The following PRKN variants were observed in gnomAD, a reference collection of about 807,000 sequenced individuals.
PRKN encodes parkin RBR E3 ubiquitin protein ligase, also known as E3 ubiquitin-protein ligase parkin.
A neutral mutation model predicts 59.5 loss-of-function variants in PRKN; 56 were observed. The observed-to-expected ratio is 0.94, with a 90% CI of 0.76 to 1.18. The LOEUF (loss-of-function observed/expected upper bound fraction) is 1.18. Ranked by LOEUF, PRKN falls within the 50% of genes most tolerant of loss-of-function variation. PRKN has a pLI of 0.00. For missense variants in PRKN, 657 were observed against 596.4 expected (o/e 1.10, Z -1.06); for synonymous variants, 250 against 222.1 (o/e 1.13, Z -1.12).
rs959481413 is a variant in PRKN at position 161,560,122 on chromosome 6, T to C, written c.933+9233A>G. Among the ~76,000 whole-genome samples the C allele has an allele frequency of 1.3e-5, 2 of 152,190 alleles. No homozygotes were observed. Among genetic ancestry groups the C allele is most frequent in the Non-Finnish European group, 2.9e-5 (2 of 68,036 alleles). ...GTCCCATATGGGTCCATACGTTTCC[T>C]AATATCAGCCAATTTCCATGCTTCC... On this transcript the variant is annotated intron_variant, in intron 8 of 11. Transcript: ENST00000366898. This position sits in a 1 kb window ranked among gnomAD's most constrained non-coding sequence, Gnocchi z 4.9.
At chr6:162,310,790 G>C (rs1782474001) in intron 2 of PRKN, among the ~76,000 whole-genome samples, 1 of 151,032 alleles carries the variant, frequency 6.6e-6, no homozygotes, top group Admixed American at 6.6e-5. Context: ...AGACTTTACA[G>C]TACTGGATAC....
chr6:161,618,917 G>T (rs547804823), intron 7 of PRKN, among the ~76,000 whole-genome samples: 2 of 152,128 alleles, frequency 1.3e-5, no homozygotes, highest in Non-Finnish European at 1.5e-5. Context: ...GGGCGCCATG[G>T]AGCTGCCAAG....
rs11271613 is a variant in PRKN at position 161,426,676 on chromosome 6, C to CACACACACACACACACACACACACAT, written c.1084-39800_1084-39799insATGTGTGTGTGTGTGTGTGTGTGTGT. Among the ~76,000 whole-genome samples the CACACACACACACACACACACACACAT allele has an allele frequency of 3.7e-3, 532 of 142,772 alleles. 15 individuals are homozygous for CACACACACACACACACACACACACAT. The highest frequency in any genetic ancestry group is 0.011 in the Middle Eastern group (3 of 274). 93.7% of individuals were successfully genotyped at this position (142,772 alleles called of 152,430 possible). On this transcript the variant is annotated intron_variant, in intron 9 of 11. Transcript: ENST00000366898. ...ACACACACACACACACACACACACA[C>CACACACACACACACACACACACACAT]CTCCTATTAGTTCTGTCCCTCTGGA...
At chr6:162,091,315 GA>G (rs1779485184) in intron 4 of PRKN, among the ~76,000 whole-genome samples, 1 of 152,060 alleles carries the variant, frequency 6.6e-6, no homozygotes, top group African/African-American at 2.4e-5. Flanking sequence ...GAAATGAGCT[GA>G]AAAATGGAAG....
At chr6:161,952,907 G>A (rs950211875) in intron 6 of PRKN, among the ~76,000 whole-genome samples, 1 of 152,160 alleles carries the variant, frequency 6.6e-6, no homozygotes, top group African/African-American at 2.4e-5. Context: ...ATAAAACAAT[G>A]AAAGGGTAAA....
intron 2 of PRKN, among the ~76,000 whole-genome samples, chr6:162,427,620 T>C (rs995321487): frequency 6.6e-6 from 1 of 152,166 alleles, no homozygotes; most frequent in East Asian, 1.9e-4. Flanking sequence ...GTATTCCATA[T>C]TACTTATAGG....
At chr6:162,055,665 G>A (rs1777826845) in intron 4 of PRKN, among the ~76,000 whole-genome samples, 1 of 152,122 alleles carries the variant, frequency 6.6e-6, no homozygotes, top group South Asian at 2.1e-4. Context: ...TGAGGCCACT[G>A]CCCAGTGCAA....
intron 9 of PRKN, among the ~76,000 whole-genome samples, chr6:161,430,483 A>G (rs1223095284): frequency 1.3e-5 from 2 of 152,158 alleles, no homozygotes; most frequent in South Asian, 4.1e-4. Context: ...GCTCTTGGGG[A>G]AAAATGTGGT....
At chr6:162,183,436 A>T (rs1338331209) in intron 4 of PRKN, among the ~76,000 whole-genome samples, 1 of 152,158 alleles carries the variant, frequency 6.6e-6, no homozygotes, top group Non-Finnish European at 1.5e-5. Context: ...GAGGATAAGA[A>T]GGTGAAGGAG....
chr6:162,600,829 G>T (rs888393177), intron 1 of PRKN, among the ~76,000 whole-genome samples: 8 of 152,032 alleles, frequency 5.3e-5, no homozygotes, highest in African/African-American at 1.9e-4. Flanking sequence ...CACCATAATT[G>T]TAAGTTTCCT....
rs1462236800 is a variant in PRKN, at chr6:161,400,825, A to G, written c.1084-13948T>C. On this transcript the variant is annotated intron_variant, in intron 9 of 11. Transcript: ENST00000366898. The surrounding 1 kb of genome is among the most constrained non-coding windows in gnomAD (Gnocchi z 4.2). ...GTGAGAGCATATGAATTTTTCTGCC[A>G]CACACTCTGAGTCATTTGTTAAAGA... 3.9e-5 allele frequency among the ~76,000 whole-genome samples: 6 copies of G among 152,192 alleles called. No homozygotes were observed. The highest frequency in any genetic ancestry group is 7.2e-5 in the African/African-American group (3 of 41,436).
At chr6:161,898,895 G>A (rs144938749) in intron 6 of PRKN, among the ~76,000 whole-genome samples, 391 of 152,286 alleles carry the variant, frequency 2.6e-3, no homozygotes, top group African/African-American at 9.0e-3. Flanking sequence ...AAGTGATGGG[G>A]AATAATGTCT....
rs541864306 is a variant in PRKN at position 162,411,159 on chromosome 6, GT to G, written c.171+32150del. Among the ~76,000 whole-genome samples, 203 of 152,264 alleles carry G rather than the reference GT, an allele frequency of 1.3e-3. 1 individual carries two copies. Among genetic ancestry groups the G allele is most frequent in the African/African-American group, 4.6e-3 (192 of 41,556 alleles). ...TTTAAAAAGGTTACGTTGCAGGGATGTTTTAAAAGATAAAAATTAAATGGCA... is the reference window on the plus strand; with the variant it reads ...TTTAAAAAGGTTACGTTGCAGGGATGTTTAAAAGATAAAAATTAAATGGCA... On this transcript the variant is annotated intron_variant, in intron 2 of 11. Coordinates refer to ENST00000366898, the MANE Select transcript of PRKN (RefSeq NM_004562.3).
At chr6:161,665,531 G>A (rs1011691514) in intron 7 of PRKN, among the ~76,000 whole-genome samples, 15 of 152,102 alleles carry the variant, frequency 9.9e-5, no homozygotes, top group Non-Finnish European at 1.9e-4. Context: ...TACTATCATC[G>A]AGCATTCAGG....
chr6:162,109,565 G>C (rs1162037873), intron 4 of PRKN, among the ~76,000 whole-genome samples: 1 of 152,164 alleles, frequency 6.6e-6, no homozygotes, highest in Non-Finnish European at 1.5e-5. Flanking sequence ...AAACAGAGTT[G>C]ACTCCATGAG....
chr6:161,477,841 T>A (rs9458278), intron 9 of PRKN, among the ~76,000 whole-genome samples: 22,156 of 152,124 alleles, frequency 0.15, 1,863 homozygotes, highest in African/African-American at 0.23. Flanking sequence ...TTCCCAGTAT[T>A]ATCTGGAGGG....
intron 1 of PRKN, among the ~76,000 whole-genome samples, chr6:162,619,081 T>TAAAA (rs1393146987): frequency 6.6e-6 from 1 of 152,118 alleles, no homozygotes. Context: ...GAAACTCTTT[T>TAAAA]AGACTCTTGA....
At chr6:162,549,517 T>C (rs1779248208) in intron 1 of PRKN, among the ~76,000 whole-genome samples, 1 of 152,180 alleles carries the variant, frequency 6.6e-6, no homozygotes, top group African/African-American at 2.4e-5. Context: ...ACTTTTATTA[T>C]TAGCGATTAG....
At chr6:162,218,999 C>A (rs1164568572) in intron 3 of PRKN, among the ~76,000 whole-genome samples, 2 of 152,004 alleles carry the variant, frequency 1.3e-5, no homozygotes, top group Admixed American at 1.3e-4. Context: ...CATGGAGAAA[C>A]CCTGTCTCTA....
Sources: allele counts gnomAD v4.1 joint callset (sites outside exome capture counted in the v4.1 genomes callset), GRCh38; gene constraint gnomAD v4.1.1; non-coding constraint Gnocchi (gnomAD v3.1); transcripts MANE v1.5; gene names NCBI Gene and HGNC (gene_info 2026-07-23, HGNC 2026-07-21).